Variants in DTD1 observed in about 807,000 individuals in gnomAD.
DTD1 encodes D-aminoacyl-tRNA deacylase 1, also known as D-tyrosyl-tRNA deacylase 1 homolog.
Under a neutral mutation model 25.6 loss-of-function variants are expected in DTD1, and 13 were observed. The observed-to-expected ratio is 0.51, with a 90% confidence interval of 0.33 to 0.81. The LOEUF is 0.81. Among genes scored for constraint, DTD1 ranks in the 30% least tolerant of loss-of-function variants. The pLI is 0.02. For missense variants in DTD1, 193 were observed against 266.4 expected (o/e 0.72, Z 1.92); for synonymous variants, 110 against 103.6 (o/e 1.06, Z -0.37).
chr20:18,749,350 C>T lies in DTD1; in HGVS notation c.*19+5079C>T, dbSNP rs1216574636. On this transcript the variant is annotated intron_variant, in intron 5 of 5. Transcript: ENST00000377452. This position sits in a 1 kb window ranked among gnomAD's most constrained non-coding sequence, Gnocchi z 4.2. ...GCATCGCCGTGGGGTGGGGAAGGCT[C>T]CAGAGGGTGTTCTCTGCCTGGTGGA... 6.6e-6 allele frequency among the ~76,000 whole-genome samples: 1 copy of T among 152,092 alleles called. No individual in the cohort carries two copies. Among genetic ancestry groups the T allele is most frequent in the Non-Finnish European group, 1.5e-5 (1 of 67,998 alleles).
chr20:18,741,493 A>G (rs2061278030), intron 4 of DTD1, among the ~76,000 whole-genome samples: 1 of 152,178 alleles, frequency 6.6e-6, no homozygotes, highest in Non-Finnish European at 1.5e-5. Flanking sequence ...TGATGGTTAC[A>G]GTTGAAGCCT....
intron 4 of DTD1, among the ~76,000 whole-genome samples, chr20:18,686,041 T>G (rs1370974601): frequency 6.6e-6 from 1 of 152,244 alleles, no homozygotes; most frequent in Non-Finnish European, 1.5e-5. Flanking sequence ...GCCTCACTTT[T>G]GTCGCCCTGG....
At position 18,632,199 on chromosome 20, in the gene DTD1, A is replaced by G. The variant is rs908591285; in HGVS notation, c.477+3966A>G. 4 of 985,474 alleles carry G rather than the reference A, an allele frequency of 4.1e-6. No individual in the cohort carries two copies. In the South Asian group the frequency reaches 1.9e-4, roughly 46 times the overall value. 61.0% of individuals were successfully genotyped at this position (985,474 alleles called of 1,614,324 possible). A position where few individuals can be genotyped will look rare whatever the true frequency, so the allele number is the denominator to read the frequency against. Reference sequence around the variant, plus strand: ...AAAAATCCTCAAGTAGGCATTTTTTAAACTTCTAACGAGCCATGTTAACTT... The same window carrying G: ...AAAAATCCTCAAGTAGGCATTTTTTGAACTTCTAACGAGCCATGTTAACTT... On this transcript the variant is annotated intron_variant, in intron 4 of 5. Transcript: ENST00000377452.
At chr20:18,711,678 G>C (rs968307224) in intron 4 of DTD1, among the ~76,000 whole-genome samples, 2 of 152,074 alleles carry the variant, frequency 1.3e-5, no homozygotes, top group Admixed American at 1.3e-4. Context: ...CTCTTTCTAG[G>C]TCAAGGGCGG....
At chr20:18,673,891 T>G (rs944830910) in intron 4 of DTD1, among the ~76,000 whole-genome samples, 4 of 149,894 alleles carry the variant, frequency 2.7e-5, no homozygotes, top group Admixed American at 2.0e-4. Flanking sequence ...AAAAATGAAA[T>G]AAAACCCTAT....
chr20:18,669,762 G>A (rs1169594896), intron 4 of DTD1, among the ~76,000 whole-genome samples: 1 of 151,970 alleles, frequency 6.6e-6, no homozygotes, highest in Non-Finnish European at 1.5e-5. Context: ...AATCGCTCCC[G>A]GGGGGGTCTG....
intron 4 of DTD1, among the ~76,000 whole-genome samples, chr20:18,734,900 A>G (rs1243618407): frequency 6.6e-6 from 1 of 152,174 alleles, no homozygotes; most frequent in African/African-American, 2.4e-5. Flanking sequence ...TTTGCCTTTA[A>G]TTCATGTCTT....
At chr20:18,625,059 A>G (rs1414041337) in intron 3 of DTD1, among the ~76,000 whole-genome samples, 23 of 152,210 alleles carry the variant, frequency 1.5e-4, no homozygotes, top group Admixed American at 1.4e-3. Context: ...ACTTGTTTCC[A>G]AGAAATGAAT....
chr20:18,613,607 T>A (rs1353927376), intron 3 of DTD1, among the ~76,000 whole-genome samples: 4 of 152,214 alleles, frequency 2.6e-5, no homozygotes, highest in African/African-American at 9.6e-5. Flanking sequence ...AGATACAGCC[T>A]CTGTGGTATA....
intron 4 of DTD1, among the ~76,000 whole-genome samples, chr20:18,731,115 C>G (rs543141033): frequency 6.8e-4 from 104 of 152,336 alleles, no homozygotes; most frequent in Non-Finnish European, 1.0e-3. Flanking sequence ...GAGGGTCGAT[C>G]CTTCCCTTAT....
At chr20:18,736,938 C>T (rs537871545) in intron 4 of DTD1, among the ~76,000 whole-genome samples, 126 of 152,348 alleles carry the variant, frequency 8.3e-4, no homozygotes, top group African/African-American at 2.9e-3. Flanking sequence ...TCACTGTGTC[C>T]ATCTCAGCTA....
At chr20:18,757,406 G>T (rs534820836) in intron 5 of DTD1, among the ~76,000 whole-genome samples, 1 of 152,140 alleles carries the variant, frequency 6.6e-6, no homozygotes, top group Non-Finnish European at 1.5e-5. Context: ...TTAGCTGTGG[G>T]TTTGTCATAG....
intron 4 of DTD1, among the ~76,000 whole-genome samples, chr20:18,630,078 G>C (rs1254908666): frequency 2.0e-5 from 3 of 151,884 alleles, no homozygotes; most frequent in African/African-American, 7.2e-5. Context: ...TAGTAGGCTA[G>C]ACTTCAGTGG....
intron 4 of DTD1, among the ~76,000 whole-genome samples, chr20:18,667,178 G>A (rs770888142): frequency 2.0e-5 from 3 of 152,150 alleles, no homozygotes; most frequent in Non-Finnish European, 2.9e-5. Context: ...CCGACCTCTC[G>A]TTTCATGAAG....
At chr20:18,708,382 G>T in intron 4 of DTD1, among the ~76,000 whole-genome samples, 3 of 117,806 alleles carry the variant, frequency 2.5e-5, no homozygotes, top group Non-Finnish European at 3.4e-5. Context: ...TTGATACAAA[G>T]TCTCACTCTG....
chr20:18,614,755 C>T (rs2060702286), intron 3 of DTD1, among the ~76,000 whole-genome samples: 1 of 152,096 alleles, frequency 6.6e-6, no homozygotes, highest in Admixed American at 6.5e-5. Flanking sequence ...AGAGGCACTT[C>T]CTGTGTCCCA....
At position 18,738,071 on chromosome 20, in the gene DTD1, A is replaced by G. The variant is rs531759887; in HGVS notation, c.478-6029A>G. Among the ~76,000 whole-genome samples, 3 of 152,270 alleles carry G rather than the reference A, an allele frequency of 2.0e-5. No homozygotes were observed. In the South Asian group the frequency reaches 6.2e-4, roughly 32 times the overall value. On this transcript the variant is annotated intron_variant, in intron 4 of 5. Transcript: ENST00000377452. ...GGATTGCCAATTATTTTTCCAGTGG[A>G]CAGTCAGCCTCAGGAAGGCAGGGCT...
rs1376456306 is a variant in DTD1 at position 18,661,321 on chromosome 20, G to A, written c.477+33088G>A. ...ATTTGATAGGAATTACATTAAACCT[G>A]TACTCAATTTGCAGAGATTTAACTT... On this transcript the variant is annotated intron_variant, in intron 4 of 5. Coordinates refer to ENST00000377452, the MANE Select transcript of DTD1 (RefSeq NM_080820.6). 2.0e-5 allele frequency among the ~76,000 whole-genome samples: 3 copies of A among 150,540 alleles called. No homozygotes were observed. In the South Asian group the frequency reaches 6.3e-4, roughly 31 times the overall value.
chr20:18,760,671 A>T (rs147222796), intron 5 of DTD1, among the ~76,000 whole-genome samples: 253 of 152,174 alleles, frequency 1.7e-3, no homozygotes, highest in Non-Finnish European at 3.1e-3. Context: ...CAGTTAGGCT[A>T]CTCAGGGGTC....
Sources: allele counts gnomAD v4.1 joint callset (sites outside exome capture counted in the v4.1 genomes callset), GRCh38; gene constraint gnomAD v4.1.1; non-coding constraint Gnocchi (gnomAD v3.1); transcripts MANE v1.5; gene names NCBI Gene and HGNC (gene_info 2026-07-23, HGNC 2026-07-21).